The following FAT4 variants were observed in gnomAD, a reference collection of about 807,000 sequenced individuals.
The protein encoded by FAT4 is FAT atypical cadherin 4.
Under a neutral mutation model 303.9 loss-of-function variants are expected in FAT4, and 84 were observed. That is an observed-to-expected ratio of 0.28 (90% confidence interval 0.23 to 0.33). The LOEUF (loss-of-function observed/expected upper bound fraction) is 0.33, where lower values mean the gene tolerates loss of function less well. FAT4 is among the 10% of genes least tolerant of loss of function. The pLI is 1.00. For missense variants in FAT4, 6,005 were observed against 6,146.8 expected, an observed-to-expected ratio of 0.98 and a Z score of 0.77; for synonymous variants, 2,307 against 2,298.8, an observed-to-expected ratio of 1.00 and a Z score of -0.10.
chr4:125,338,382 G>A (rs1731652233), intron 2 of FAT4, among the ~76,000 whole-genome samples: 1 of 152,146 alleles, frequency 6.6e-6, no homozygotes, highest in Non-Finnish European at 1.5e-5. Flanking sequence ...ATGTTTTATT[G>A]TGGATAATGT....
rs758989146 is a variant in FAT4 at position 125,320,916 on chromosome 4, C to T, written c.4505C>T (p.Ala1502Val). The change falls in exon 2 of 18, where the codon GCT (alanine) becomes GTT (valine). Residue 1502 changes from alanine (A) to valine (V), a missense_variant. By Grantham distance (64) the Ala-to-Val change is moderately conservative. Coordinates refer to ENST00000394329, the MANE Select transcript of FAT4 (RefSeq NM_001291303.3). ...TTGACTGTAAAAGCCAATGATCAAG[C>T]TGTGCCAATAGAAACTAGACGGTAT... ...FELTVKANDQAVPIETRRYAL... is the reference protein window; with the variant it reads ...FELTVKANDQVVPIETRRYAL... The T allele has an allele frequency of 2.5e-6, 4 of 1,614,148 alleles. No individual in the cohort carries two copies. Among genetic ancestry groups the T allele is most frequent in the Non-Finnish European group, 3.4e-6 (4 of 1,179,980 alleles).
Position 125,452,144 on chromosome 4 carries a change from G to A in FAT4, c.11134G>A (p.Asp3712Asn), listed in dbSNP as rs769490380. 4 of 1,614,168 alleles carry A rather than the reference G, an allele frequency of 2.5e-6. No homozygotes were observed. The highest frequency in any genetic ancestry group is 1.1e-5 in the South Asian group (1 of 91,084). The change falls in exon 10 of 18, where the codon GAT becomes AAT. Residue 3712 changes from aspartate (D) to asparagine (N), a missense_variant. Physicochemically the swap from Asp to Asn is conservative, Grantham distance 23. Coordinates refer to ENST00000394329, the MANE Select transcript of FAT4 (RefSeq NM_001291303.3). ...TGCTGGATTTTCCAATGCCACAGTG[G>A]ATAACAGCATCTTACTTCGTCTCGG... Reference protein sequence around the residue: ...FFAGFSNATVDNSILLRLGVP... With the variant: ...FFAGFSNATVNNSILLRLGVP...
chr4:125,345,557 A>G (rs1731966703), intron 2 of FAT4, among the ~76,000 whole-genome samples: 2 of 152,050 alleles, frequency 1.3e-5, no homozygotes, highest in African/African-American at 2.4e-5. Flanking sequence ...TATAGTTAAT[A>G]TTAATGATTA....
rs147411580 is a variant in FAT4, at chr4:125,438,235, T to C, written c.7199+3810T>C. On this transcript the variant is annotated intron_variant, in intron 8 of 17. Coordinates refer to ENST00000394329, the MANE Select transcript of FAT4 (RefSeq NM_001291303.3). Reference sequence around the variant, plus strand: ...TTTACAAACTTGATCCTGTCTTCCATTGAGTCATTCATTTATTTCTATAAT... The same window carrying C: ...TTTACAAACTTGATCCTGTCTTCCACTGAGTCATTCATTTATTTCTATAAT... Among the ~76,000 whole-genome samples the C allele has an allele frequency of 1.2e-3, 187 of 152,320 alleles. 1 individual carries two copies. In the East Asian group the frequency reaches 0.013, roughly 10 times the overall value.
At chr4:125,408,939 TG>T (rs1734735494) in intron 5 of FAT4, 145 bp downstream of exon 5, 1 of 436,578 alleles carries the variant, frequency 2.3e-6, no homozygotes, top group Non-Finnish European at 4.0e-6. Context: ...ATAACTGAAC[TG>T]TAGAGGATTT....
intron 4 of FAT4, 151 bp downstream of exon 4, chr4:125,407,292 A>G: frequency 1.3e-6 from 1 of 754,670 alleles, no homozygotes; most frequent in Non-Finnish European, 2.0e-6. Context: ...GGATCTTTTC[A>G]TTAACGATCT....
Position 125,319,577 on chromosome 4 carries a change from A to G in FAT4, c.3166A>G (p.Ser1056Gly). The G allele has an allele frequency of 1.9e-6, 3 of 1,614,192 alleles. No homozygotes were observed. Among genetic ancestry groups the G allele is most frequent in the African/African-American group, 1.3e-5 (1 of 75,072 alleles). ...IFPDGQLYIK[S>G]ELDRELQDRY... Reference sequence around the variant, plus strand: ...CCCAGATGGTCAATTGTATATAAAAAGTGAACTGGACCGTGAACTTCAAGA... The same window carrying G: ...CCCAGATGGTCAATTGTATATAAAAGGTGAACTGGACCGTGAACTTCAAGA... The change falls in exon 2 of 18, where the codon AGT becomes GGT. Residue 1056 changes from serine to glycine, a missense_variant. Ser to Gly is a moderately conservative substitution (Grantham distance 56, BLOSUM62 0). Coordinates refer to ENST00000394329, the MANE Select transcript of FAT4 (RefSeq NM_001291303.3).
At chr4:125,444,622 A>G (rs956597443) in intron 8 of FAT4, among the ~76,000 whole-genome samples, 2 of 152,118 alleles carry the variant, frequency 1.3e-5, no homozygotes, top group African/African-American at 4.8e-5. Flanking sequence ...ACGCTTAATA[A>G]TACACCATGG....
intron 2 of FAT4, among the ~76,000 whole-genome samples, chr4:125,351,092 T>C (rs184248715): frequency 6.6e-6 from 1 of 151,746 alleles, no homozygotes; most frequent in Non-Finnish European, 1.5e-5. Context: ...GTGATGTGAT[T>C]GATTGGTTAG....
intron 5 of FAT4, among the ~76,000 whole-genome samples, chr4:125,414,634 G>A (rs1578616111): frequency 6.6e-6 from 1 of 152,086 alleles, no homozygotes; most frequent in Non-Finnish European, 1.5e-5. Context: ...TTATGTGATA[G>A]AAACAAGGAA....
chr4:125,472,072 CAA>C (rs774403195), intron 12 of FAT4, among the ~76,000 whole-genome samples: 3 of 73,396 alleles, frequency 4.1e-5, no homozygotes, highest in Non-Finnish European at 7.8e-5. Context: ...GACTCTGTCT[CAA>C]AAAAAAAAAA....
At chr4:125,432,067 C>G (rs958424662) in intron 7 of FAT4, among the ~76,000 whole-genome samples, 13 of 152,032 alleles carry the variant, frequency 8.6e-5, no homozygotes, top group African/African-American at 3.1e-4. Flanking sequence ...CTCAAATGTC[C>G]CACAAACTTA....
intron 2 of FAT4, among the ~76,000 whole-genome samples, chr4:125,371,108 A>C (rs1317668045): frequency 6.9e-6 from 1 of 144,678 alleles, no homozygotes; most frequent in African/African-American, 2.5e-5. Flanking sequence ...AGATCGCGCC[A>C]TTGCACTTCA....
intron 6 of FAT4, 60 bp from the exon 7 acceptor site, chr4:125,416,388 T>C (rs1650816382): frequency 1.4e-6 from 2 of 1,436,696 alleles, no homozygotes; most frequent in Admixed American, 4.5e-5. Context: ...AATGGAGGCA[T>C]TTTATTTCAT....
chr4:125,432,777 T>C (rs1409823671), intron 7 of FAT4, among the ~76,000 whole-genome samples: 1 of 150,298 alleles, frequency 6.7e-6, no homozygotes, highest in Non-Finnish European at 1.5e-5. Context: ...TTTGACTTTG[T>C]ATGTTAATTT....
intron 2 of FAT4, among the ~76,000 whole-genome samples, chr4:125,337,862 A>G (rs986312290): frequency 1.3e-5 from 2 of 152,126 alleles, no homozygotes; most frequent in African/African-American, 4.8e-5. Flanking sequence ...CTTGGGTACA[A>G]TCATGACTTG....
At chr4:125,431,830 C>G (rs575678362) in intron 7 of FAT4, among the ~76,000 whole-genome samples, 1 of 149,278 alleles carries the variant, frequency 6.7e-6, no homozygotes, top group East Asian at 2.0e-4. Flanking sequence ...TTTGCTCACA[C>G]AAATGCACAC....
intron 10 of FAT4, among the ~76,000 whole-genome samples, chr4:125,459,572 A>C (rs1726412697): frequency 6.6e-6 from 1 of 152,090 alleles, no homozygotes; most frequent in Admixed American, 6.6e-5. Context: ...CAACACAATT[A>C]ATTGATGGAT....
chr4:125,376,970 A>T (rs1458757942), intron 2 of FAT4, among the ~76,000 whole-genome samples: 1 of 152,176 alleles, frequency 6.6e-6, no homozygotes, highest in Non-Finnish European at 1.5e-5. Flanking sequence ...TTGTTTTTGC[A>T]TTTGTAGGCA....
Sources: gnomAD v4.1 joint callset for allele counts (sites outside exome capture counted in the v4.1 genomes callset) on GRCh38, gnomAD v4.1.1 for gene constraint, MANE v1.5 for transcripts, NCBI Gene and HGNC (gene_info 2026-07-23, HGNC 2026-07-21) for gene names.